Variants in OTOF observed in about 807,000 individuals in gnomAD.
OTOF encodes fer-1-like family member 2.
OTOF carries 218 observed loss-of-function variants against 236.8 expected under a neutral mutation model. That is an observed-to-expected ratio of 0.92 (90% CI 0.82 to 1.03). The LOEUF is 1.03. OTOF is among the 50% of genes least tolerant of loss of function. The pLI, the probability that OTOF is intolerant of heterozygous loss-of-function variation, is 0.00. For synonymous variants in OTOF, 1,041 were observed against 1,072.5 expected (o/e 0.97, Z 0.57); for missense variants, 2,590 against 2,694.4 (o/e 0.96, Z 0.86).
At position 26,482,123 on chromosome 2, in the gene OTOF, A is replaced by G. The variant is rs148370560; in HGVS notation, c.1579+283T>C. Among the ~76,000 whole-genome samples the G allele has an allele frequency of 6.1e-4, 93 of 152,302 alleles. No homozygotes were observed. The East Asian group carries it at 0.018, about 29-fold the overall frequency. On this transcript the variant is annotated intron_variant, in intron 14 of 46. Coordinates refer to ENST00000272371, the MANE Select transcript of OTOF (RefSeq NM_194248.3). Reference sequence around the variant, plus strand: ...GTGCATATCATACTATAATTATCATATCATATAATCATTATTATTTTCACT... The same window carrying G: ...GTGCATATCATACTATAATTATCATGTCATATAATCATTATTATTTTCACT...
chr2:26,461,149 C>A lies in OTOF; in HGVS notation c.5534-119G>T. On this transcript the variant is annotated intron_variant, in intron 43 of 46. Coordinates refer to ENST00000272371, the MANE Select transcript of OTOF (RefSeq NM_194248.3). The surrounding 1 kb of genome is among the most constrained non-coding windows in gnomAD (Gnocchi z 6.2). The stretch of plus-strand genomic sequence containing the variant: ...AGTGCAGACCTCCCTGAGCCCACAT[C>A]TCATCCTCCTGCCTCACTCCCAGCA... 1.1e-6 allele frequency: 1 copy of A among 874,904 alleles called. No homozygotes were observed. Among genetic ancestry groups the A allele is most frequent in the Non-Finnish European group, 1.8e-6 (1 of 549,580 alleles). The allele number at this position is 874,904 out of a possible 1,614,324, so 54.2% of individuals were successfully genotyped here. A position where few individuals can be genotyped will look rare whatever the true frequency, so the allele number is the denominator to read the frequency against.
intron 1 of OTOF, among the ~76,000 whole-genome samples, chr2:26,549,926 C>T (rs548390797): frequency 1.1e-4 from 17 of 152,258 alleles, no homozygotes; most frequent in African/African-American, 3.9e-4. Flanking sequence ...TCCTAGATTC[C>T]CCTGTTACGG....
intron 9 of OTOF, among the ~76,000 whole-genome samples, chr2:26,491,913 A>G (rs1017949538): frequency 1.4e-4 from 22 of 152,244 alleles, no homozygotes; most frequent in African/African-American, 5.1e-4. Context: ...TTTCCTGAGC[A>G]TATTTTCCTT....
chr2:26,467,536 T>C (rs376027468), intron 33 of OTOF, 35 bp from the exon 34 acceptor site: 18 of 1,607,420 alleles, frequency 1.1e-5, no homozygotes, highest in Non-Finnish European at 1.5e-5. Context: ...GGAGCAGAAA[T>C]GAGCAGAGCA....
intron 2 of OTOF, among the ~76,000 whole-genome samples, chr2:26,531,105 C>A (rs1050475644): frequency 2.0e-5 from 3 of 152,212 alleles, no homozygotes; most frequent in African/African-American, 7.2e-5. Context: ...CACCCAGAGG[C>A]CCCCTTGCTG....
rs186810296 is a variant in OTOF, at chr2:26,470,592, C to T, written c.4023+1G>A. On this transcript the variant is annotated splice_donor_variant, in intron 32 of 46. Transcript: ENST00000272371. LOFTEE classifies it high-confidence loss of function. The surrounding 1 kb of genome is among the most constrained non-coding windows in gnomAD (Gnocchi z 4.3). ...TCCCCTCACCCTACCCGAGGTCTCA[C>T]CTCCTTCATGGTGTCAATGGAGGCA... 2.1e-4 allele frequency: 337 copies of T among 1,614,120 alleles called. No homozygotes were observed. The East Asian group carries it at 6.4e-3, about 31-fold the overall frequency.
rs80356576 is a variant in OTOF, at chr2:26,470,650, G to A, written c.3966C>T (p.Asp1322=). The A allele has an allele frequency of 8.1e-6, 13 of 1,614,002 alleles. No individual in the cohort carries two copies. The highest frequency in any genetic ancestry group is 4.5e-5 in the East Asian group (2 of 44,876). The part of the protein sequence containing the change: ...TAEEPEEEEP[D]ESMLDWWSKY... Reference sequence around the variant, plus strand: ...TGGACCACCAGTCCAGCATGCTCTCGTCTGGCTCCTCCTCCTCTGGCTCCT... The same window carrying A: ...TGGACCACCAGTCCAGCATGCTCTCATCTGGCTCCTCCTCCTCTGGCTCCT... The change falls in exon 32 of 47, where the codon GAC becomes GAT. Residue 1322 remains aspartate, a synonymous_variant. Coordinates refer to ENST00000272371, the MANE Select transcript of OTOF (RefSeq NM_194248.3). This position sits in a 1 kb window ranked among gnomAD's most constrained non-coding sequence, Gnocchi z 4.3.
chr2:26,473,497 A>G lies in OTOF; in HGVS notation c.3479T>C (p.Ile1160Thr), dbSNP rs1490769405. The change falls in exon 28 of 47, where the codon ATC becomes ACC. Residue 1160 changes from isoleucine (I) to threonine (T), a missense_variant. Around this residue, in one of 2 missense-constraint regions of OTOF, gnomAD observed 1,211 missense variants for 1,352.8 expected, o/e 0.90. Transcript: ENST00000272371. The surrounding 1 kb of genome is among the most constrained non-coding windows in gnomAD (Gnocchi z 7.2). ...LAQVDRPRVD[I>T]ECAGKGVQSS... ...CTGCACCCCCTTCCCTGCACACTCG[A>G]TGTCCACCCGTGGCCGGTCCACCTG... The G allele has an allele frequency of 6.2e-7, 1 of 1,612,850 alleles. No homozygotes were observed. Among genetic ancestry groups the G allele is most frequent in the African/African-American group, 1.3e-5 (1 of 74,846 alleles).
At chr2:26,482,651 G>T in intron 13 of OTOF, 59 bp from the exon 14 acceptor site, 3 of 1,445,666 alleles carry the variant, frequency 2.1e-6, no homozygotes, top group South Asian at 1.2e-5. Context: ...GGGTGCATGT[G>T]TGTGTGTGTG....
intron 13 of OTOF, among the ~76,000 whole-genome samples, chr2:26,483,034 A>C (rs1220229721): frequency 7.8e-5 from 8 of 102,592 alleles, no homozygotes; most frequent in African/African-American, 2.7e-4. Context: ...TGCGTGTGTG[A>C]GTGGGTGCAT....
intron 5 of OTOF, among the ~76,000 whole-genome samples, chr2:26,511,859 C>T (rs535239311): frequency 1.3e-5 from 2 of 152,290 alleles, no homozygotes; most frequent in Admixed American, 1.3e-4. Flanking sequence ...TTCTAGCTCT[C>T]TAGGGGCTGT....
chr2:26,535,038 G>A (rs1182017706), intron 2 of OTOF, among the ~76,000 whole-genome samples: 1 of 152,256 alleles, frequency 6.6e-6, no homozygotes, highest in East Asian at 1.9e-4. Context: ...GGCTGACCCA[G>A]GCCTCCGGGC....
In OTOF at chr2:26,489,277, G is replaced by A. The variant is rs146051471; in HGVS notation, c.979C>T (p.Leu327=). 6.2e-7 allele frequency: 1 copy of A among 1,612,608 alleles called. No individual in the cohort carries two copies. The highest frequency in any genetic ancestry group is 8.5e-7 in the Non-Finnish European group (1 of 1,179,662). ...IKISVIHSKN[L]LRSGTLVGSF... is the part of the protein sequence containing the mutation. ...CCCACCAGGGTGCCACTGCGCAGCA[G>A]GTTCTTGGAGTGAATCACCTTTCAG... The change falls in exon 11 of 47, where the codon CTG becomes TTG. Residue 327 remains leucine, a synonymous_variant. Coordinates refer to ENST00000272371, the MANE Select transcript of OTOF (RefSeq NM_194248.3).
chr2:26,557,446 C>G (rs1045757126), intron 1 of OTOF, among the ~76,000 whole-genome samples: 1 of 152,198 alleles, frequency 6.6e-6, no homozygotes, highest in African/African-American at 2.4e-5. Context: ...CAGCCTGGCC[C>G]TGCCTTTCCC....
chr2:26,490,683 A>G (rs1193594579), intron 9 of OTOF, among the ~76,000 whole-genome samples: 3 of 152,212 alleles, frequency 2.0e-5, no homozygotes, highest in Non-Finnish European at 4.4e-5. Context: ...CCTGGCTGTT[A>G]CTGCTAGATC....
intron 9 of OTOF, among the ~76,000 whole-genome samples, chr2:26,493,634 G>C (rs867557405): frequency 1.3e-5 from 2 of 152,146 alleles, no homozygotes; most frequent in Non-Finnish European, 2.9e-5. Context: ...CAAACCACAC[G>C]GCTCATGCAC....
intron 2 of OTOF, among the ~76,000 whole-genome samples, chr2:26,536,497 C>T (rs1304870221): frequency 6.6e-6 from 1 of 152,162 alleles, no homozygotes; most frequent in Non-Finnish European, 1.5e-5. Flanking sequence ...TGGTTGATGG[C>T]TGTGCCTAAG....
Position 26,477,917 on chromosome 2 carries a change from T to A in OTOF, c.2215-168A>T. 1 of 1,520,946 alleles carries A rather than the reference T, an allele frequency of 6.6e-7. No homozygotes were observed. The highest frequency in any genetic ancestry group is 8.8e-7 in the Non-Finnish European group (1 of 1,133,382). 94.2% of individuals were successfully genotyped at this position (1,520,946 alleles called of 1,614,324 possible). On this transcript the variant is annotated intron_variant, in intron 18 of 46. Transcript: ENST00000272371. This position sits in a 1 kb window ranked among gnomAD's most constrained non-coding sequence, Gnocchi z 4.7. ...ATGAGGAAGTCATCAATTTCCCAGG[T>A]TCTGTTCTCAGAACCTGGAGATGTT...
chr2:26,489,739 T>C lies in OTOF; in HGVS notation c.899A>G (p.Tyr300Cys). 6.2e-7 allele frequency: 1 copy of C among 1,612,300 alleles called. No homozygotes were observed. The highest frequency in any genetic ancestry group is 2.2e-5 in the East Asian group (1 of 44,886). ...ESTNCPYYNEYFVFDFHVSPD... is the reference protein window; with the variant it reads ...ESTNCPYYNECFVFDFHVSPD... ...AGAGACATGGAAGTCGAAGACGAAG[T>C]ACTGGAGGGGGAAGGATCCAGGCCT... Residue 300 changes from tyrosine to cysteine, a missense_variant and splice_region_variant, in exon 10 of 47, where the codon TAC (tyrosine) becomes TGC (cysteine). Tyr to Cys is a radical substitution (Grantham distance 194). Around this residue, in one of 2 missense-constraint regions of OTOF, gnomAD observed 1,379 missense variants for 1,341.6 expected, o/e 1.03. Coordinates refer to ENST00000272371, the MANE Select transcript of OTOF (RefSeq NM_194248.3).
Sources: gnomAD v4.1 joint callset for allele counts (sites outside exome capture counted in the v4.1 genomes callset) on GRCh38, gnomAD v4.1.1 for gene constraint, gnomAD v4.1.1 regional missense constraint, Gnocchi (gnomAD v3.1) non-coding constraint, MANE v1.5 for transcripts, NCBI Gene and HGNC (gene_info 2026-07-23, HGNC 2026-07-21) for gene names.